Variants in SRPK1 observed in about 807,000 individuals in gnomAD.
The protein encoded by SRPK1 is SRSF protein kinase 1, also known as SFRS protein kinase 1.
In SRPK1, 52 loss-of-function variants were observed where a neutral mutation model predicts 89.5. That is an observed-to-expected ratio of 0.58 (90% CI 0.46 to 0.73). SRPK1 has a LOEUF of 0.73. SRPK1 is among the 30% of genes least tolerant of loss of function. The probability of loss-of-function intolerance (pLI) is 0.00; values close to 1 mark genes in which losing one functional copy is unlikely to be tolerated. For missense variants in SRPK1, 603 were observed against 780.6 expected (o/e 0.77, Z 2.71); for synonymous variants, 255 against 270.2 (o/e 0.94, Z 0.55).
At chr6:35,845,465 C>T (rs376250883) in intron 13 of SRPK1, among the ~76,000 whole-genome samples, 1 of 152,182 alleles carries the variant, frequency 6.6e-6, no homozygotes, top group African/African-American at 2.4e-5. Flanking sequence ...GTGTACCATC[C>T]TTTGTTAACC....
chr6:35,842,739 AAAC>A (rs1228757948), intron 13 of SRPK1, 135 bp from the exon 14 acceptor site: 6 of 519,926 alleles, frequency 1.2e-5, no homozygotes, highest in African/African-American at 2.0e-5. Context: ...AAAAAAAAAA[AAAC>A]AAAAACTTAA....
chr6:35,866,352 G>A (rs9470151), intron 12 of SRPK1, among the ~76,000 whole-genome samples: 48,007 of 152,076 alleles, frequency 0.32, 7,827 homozygotes, highest in South Asian at 0.42. Flanking sequence ...TTGGGAGGCC[G>A]AGGTAGGCAG....
At position 35,874,302 on chromosome 6, in the gene SRPK1, C is replaced by T. The variant is rs1454912722; in HGVS notation, c.516G>A (p.Leu172=). ...AATTGGATTTGATGATCCACTTGAG[C>T]AGATGATGCCCCAAAACTTCAAATA... ...CMVFEVLGHH[L]LKWIIKSNYQ... Residue 172 remains leucine, a synonymous_variant, in exon 7 of 16, where the codon CTG becomes CTA. Transcript: ENST00000373825. 1 of 1,613,324 alleles carries T rather than the reference C, an allele frequency of 6.2e-7. No homozygotes were observed. Among genetic ancestry groups the T allele is most frequent in the East Asian group, 2.2e-5 (1 of 44,868 alleles).
chr6:35,893,623 A>G (rs1561990112), intron 2 of SRPK1, among the ~76,000 whole-genome samples: 1 of 151,776 alleles, frequency 6.6e-6, no homozygotes, highest in Non-Finnish European at 1.5e-5. Flanking sequence ...AATAAAATAA[A>G]CTGGAAAGAA....
At position 35,872,599 on chromosome 6, in the gene SRPK1, G is replaced by A. The variant is rs1415734112; in HGVS notation, c.715C>T (p.Gln239Ter). The A allele has an allele frequency of 6.2e-7, 1 of 1,611,524 alleles. No individual in the cohort carries two copies. Among genetic ancestry groups the A allele is most frequent in the African/African-American group, 1.3e-5 (1 of 74,840 alleles). ...GAAGGCGGAGGAGCTCCAGATCGCT[G>A]CCATTCTGTTGCTTCTGCAGCCAGC... ...RRLAAEATEW[Q>*]RSGAPPPSGS... The change falls in exon 8 of 16, where the codon CAG becomes TAG. Residue 239 changes from glutamine (Q) to a stop codon, truncating the protein, a stop_gained. Coordinates refer to ENST00000373825, the MANE Select transcript of SRPK1 (RefSeq NM_003137.5). LOFTEE classifies it high-confidence loss of function.
chr6:35,920,914 G>T, intron 1 of SRPK1, 130 bp downstream of exon 1: 1 of 1,010,918 alleles, frequency 9.9e-7, no homozygotes, highest in Non-Finnish European at 1.4e-6. Flanking sequence ...GTGGGGCGGC[G>T]CCACCTCAGT....
chr6:35,877,627 G>C (rs543619944), intron 6 of SRPK1, among the ~76,000 whole-genome samples: 12 of 152,240 alleles, frequency 7.9e-5, no homozygotes, highest in African/African-American at 2.9e-4. Flanking sequence ...CGGATCACGA[G>C]GTCAGGAGTT....
chr6:35,909,744 T>C (rs1345577135), intron 2 of SRPK1, among the ~76,000 whole-genome samples: 1 of 152,284 alleles, frequency 6.6e-6, no homozygotes, highest in African/African-American at 2.4e-5. Context: ...CGAGACCTGA[T>C]GGTTTTGAAG....
At chr6:35,859,091 G>A (rs1432153951) in intron 12 of SRPK1, among the ~76,000 whole-genome samples, 1 of 152,176 alleles carries the variant, frequency 6.6e-6, no homozygotes, top group Admixed American at 6.5e-5. Flanking sequence ...TTCAGCTGAG[G>A]ATAGCCTTAG....
chr6:35,881,452 TATAG>T (rs1770287806), intron 6 of SRPK1, among the ~76,000 whole-genome samples: 1 of 151,160 alleles, frequency 6.6e-6, no homozygotes, highest in Non-Finnish European at 1.5e-5. Context: ...TAGATATAGA[TATAG>T]ATATAGATAT....
At chr6:35,872,005 T>A (rs1435200901) in intron 8 of SRPK1, among the ~76,000 whole-genome samples, 1 of 152,188 alleles carries the variant, frequency 6.6e-6, no homozygotes, top group African/African-American at 2.4e-5. Flanking sequence ...CCTCCCAAAG[T>A]GTTGCGTTAC....
At chr6:35,871,467 A>C (rs1460662001) in intron 8 of SRPK1, among the ~76,000 whole-genome samples, 1 of 152,190 alleles carries the variant, frequency 6.6e-6, no homozygotes, top group African/African-American at 2.4e-5. Flanking sequence ...ACATAATAAA[A>C]ATTTATACTC....
rs35507888 is a variant in SRPK1 at position 35,868,995 on chromosome 6, G to A, written c.1512+15C>T. The A allele has an allele frequency of 4.4e-6, 7 of 1,607,642 alleles. No homozygotes were observed. Among genetic ancestry groups the A allele is most frequent in the Non-Finnish European group, 6.0e-6 (7 of 1,175,928 alleles). On this transcript the variant is annotated intron_variant, in intron 12 of 15. Coordinates refer to ENST00000373825, the MANE Select transcript of SRPK1 (RefSeq NM_003137.5). ...CCAGTCACTTCAAAACACCATTAAG[G>A]CAAGTTTAACTTACCACCCAACAAG...
At chr6:35,892,612 G>A (rs978733809) in intron 2 of SRPK1, among the ~76,000 whole-genome samples, 1 of 151,632 alleles carries the variant, frequency 6.6e-6, no homozygotes, top group Non-Finnish European at 1.5e-5. Context: ...AAATCGCGTC[G>A]TTGCACTCCA....
At chr6:35,856,641 G>T (rs1769672387) in intron 13 of SRPK1, among the ~76,000 whole-genome samples, 1 of 152,128 alleles carries the variant, frequency 6.6e-6, no homozygotes, top group African/African-American at 2.4e-5. Context: ...CAACATAGAA[G>T]AGAAACAAGT....
intron 15 of SRPK1, among the ~76,000 whole-genome samples, chr6:35,836,598 C>CA (rs1335827546): frequency 6.6e-6 from 1 of 151,586 alleles, no homozygotes; most frequent in African/African-American, 2.4e-5. Flanking sequence ...ACCAAAAATA[C>CA]AAAAAAATTA....
chr6:35,857,355 G>T lies in SRPK1; in HGVS notation c.1526C>A (p.Thr509Asn). The change falls in exon 13 of 16, where the codon ACT (threonine) becomes AAT (asparagine). Residue 509 changes from threonine (T) to asparagine (N), a missense_variant. By Grantham distance (65) the Thr-to-Asn change is moderately conservative. Coordinates refer to ENST00000373825, the MANE Select transcript of SRPK1 (RefSeq NM_003137.5). ...ATATTGCCTTGTTTGAATATCTTCA[G>T]TGAAATGTTTGTGCTGAGAAAATGA... is the stretch of plus-strand genomic sequence containing the variant. ...GNACWVHKHF[T>N]EDIQTRQYRS... 1 of 1,609,426 alleles carries T rather than the reference G, an allele frequency of 6.2e-7. No individual in the cohort carries two copies. The highest frequency in any genetic ancestry group is 8.5e-7 in the Non-Finnish European group (1 of 1,177,606).
In SRPK1 at chr6:35,907,723, A is replaced by T. The variant is rs1160803493; in HGVS notation, c.74+12745T>A. 1.3e-5 allele frequency among the ~76,000 whole-genome samples: 2 copies of T among 152,140 alleles called. 1 individual carries two copies. Among genetic ancestry groups the T allele is most frequent in the Non-Finnish European group, 2.9e-5 (2 of 68,022 alleles). On this transcript the variant is annotated intron_variant, in intron 2 of 15. Coordinates refer to ENST00000373825, the MANE Select transcript of SRPK1 (RefSeq NM_003137.5). ...TCCGTCTCAAAAAATAAAAAATAAA[A>T]AATAAAAAATAAGTAAGATGGAGTG... is the stretch of plus-strand genomic sequence containing the variant.
At chr6:35,913,987 T>C (rs1771035191) in intron 2 of SRPK1, among the ~76,000 whole-genome samples, 1 of 139,778 alleles carries the variant, frequency 7.2e-6, no homozygotes, top group African/African-American at 2.8e-5. Context: ...TTTTTTTTTT[T>C]TTTTTGAGAT....
Sources: allele counts gnomAD v4.1 joint callset (sites outside exome capture counted in the v4.1 genomes callset), GRCh38; gene constraint gnomAD v4.1.1; transcripts MANE v1.5; gene names NCBI Gene and HGNC (gene_info 2026-07-23, HGNC 2026-07-21).